Variants in BST1 observed in about 807,000 individuals in gnomAD.
BST1 encodes the protein ADP-ribosyl cyclase/cyclic ADP-ribose hydrolase 2.
BST1 carries 49 observed loss-of-function variants against 40.6 expected under a neutral mutation model. The ratio of observed to expected loss-of-function variants is 1.21; its 90% CI spans 0.96 to 1.53. The LOEUF is 1.53. Among genes scored for constraint, BST1 ranks in the 40% most tolerant of loss-of-function variants. The pLI is 0.00. For missense variants in BST1, 423 were observed against 395.9 expected, an observed-to-expected ratio of 1.07 and a Z score of -0.58; for synonymous variants, 157 against 159.3, an observed-to-expected ratio of 0.99 and a Z score of 0.11.
At position 15,703,180 on chromosome 4, in the gene BST1, C is replaced by G. The variant is rs777647360; in HGVS notation, c.36C>G (p.Leu12=). The G allele has an allele frequency of 6.4e-7, 1 of 1,562,598 alleles. No individual in the cohort carries two copies. Among genetic ancestry groups the G allele is most frequent in the South Asian group, 1.2e-5 (1 of 85,428 alleles). Residue 12 remains leucine, a synonymous_variant, in exon 1 of 9, where the codon CTC becomes CTG. Transcript: ENST00000265016. ...AGGGGTGCGCGGCATCGCGGCTGCT[C>G]CAGCTGCTGCTGCAGCTTCTGCTTC... ...AAQGCAASRL[L]QLLLQLLLLL... is the part of the protein sequence containing the mutation.
At chr4:15,703,751 G>T (rs375779235) in intron 1 of BST1, among the ~76,000 whole-genome samples, 10 of 144,306 alleles carry the variant, frequency 6.9e-5, no homozygotes, top group East Asian at 2.1e-4. Context: ...AGAGGTGAGG[G>T]GTGTGTGTGT....
chr4:15,719,113 C>T, intron 7 of BST1, 120 bp downstream of exon 7: 2 of 836,588 alleles, frequency 2.4e-6, no homozygotes, highest in Non-Finnish European at 3.6e-6. Context: ...TTCCGGGTGG[C>T]TTCTCGGTGT....
At position 15,703,330 on chromosome 4, in the gene BST1, GCGGTGAGGCAGTCGGC is replaced by G; in HGVS notation, c.188+2_188+17del. ...ACCGCGCACTGCTGAGTCCCGAGCA[GCGGTGAGGCAGTCGGC>G]CGGGTGGAAGGGGAGCCGGAAAGAG... On this transcript the variant is annotated splice_donor_variant and splice_donor_5th_base_variant and coding_sequence_variant and intron_variant, in exon 1 of 9. Coordinates refer to ENST00000265016, the MANE Select transcript of BST1 (RefSeq NM_004334.3). LOFTEE classifies it high-confidence loss of function. 6.7e-7 allele frequency: 1 copy of G among 1,497,964 alleles called. No individual in the cohort carries two copies. Among genetic ancestry groups the G allele is most frequent in the Non-Finnish European group, 8.8e-7 (1 of 1,132,786 alleles). 92.8% of individuals were successfully genotyped at this position (1,497,964 alleles called of 1,614,324 possible). A position where few individuals can be genotyped will look rare whatever the true frequency, so the allele number is the denominator to read the frequency against.
exon 7 of BST1, chr4:15,737,880 TC>T: frequency 8.5e-7 from 1 of 1,174,852 alleles, no homozygotes; most frequent in Non-Finnish European, 1.1e-6. Context: ...AGCCGAAATC[TC>T]CAGAGGCTCT....
In BST1 at chr4:15,703,100, A is replaced by G; in HGVS notation, c.-45A>G. 1.3e-6 allele frequency: 2 copies of G among 1,529,452 alleles called. No homozygotes were observed. Among genetic ancestry groups the G allele is most frequent in the Non-Finnish European group, 1.7e-6 (2 of 1,145,946 alleles). The allele number at this position is 1,529,452 out of a possible 1,614,324, so 94.7% of individuals were successfully genotyped here. ...GGAACCGCCTTGGTAGAAGGAGAGA[A>G]GGGGAGTGGAGGAAGCACGGGACTG... On this transcript the variant is annotated 5_prime_UTR_variant, in exon 1 of 9. Transcript: ENST00000265016.
intron 5 of BST1, 94 bp downstream of exon 5, chr4:15,715,455 C>A: frequency 7.7e-7 from 1 of 1,294,760 alleles, no homozygotes; most frequent in South Asian, 1.3e-5. Context: ...TCCTAGTCCC[C>A]ATCTCATGCG....
chr4:15,746,073 C>T, the BST1 span, among the ~76,000 whole-genome samples: 1 of 152,100 alleles, frequency 6.6e-6, no homozygotes, highest in African/African-American at 2.4e-5. Context: ...TTCTTCTTCC[C>T]AAAGGAGATT....
At chr4:15,762,188 C>CAAAAAAAAAAAAA in the BST1 span, among the ~76,000 whole-genome samples, 1 of 61,236 alleles carries the variant, frequency 1.6e-5, no homozygotes, top group Admixed American at 2.4e-4. Context: ...GACTCCATCT[C>CAAAAAAAAAAAAA]AAAAAAAAAA....
At chr4:15,761,027 GT>G in the BST1 span, among the ~76,000 whole-genome samples, 1 of 151,538 alleles carries the variant, frequency 6.6e-6, no homozygotes, top group Non-Finnish European at 1.5e-5. Context: ...ATGGCATATA[GT>G]TTTTTTGTTT....
chr4:15,709,780 C>T lies in BST1; in HGVS notation c.452-2027C>T, dbSNP rs1030179313. ...GTGATGGGGTTTTTTATTTATTGAC[C>T]CAGAAAGGGGCATGTTTTTAAGCAA... On this transcript the variant is annotated intron_variant, in intron 3 of 8. Transcript: ENST00000265016. 9.7e-4 allele frequency among the ~76,000 whole-genome samples: 148 copies of T among 151,830 alleles called. 1 individual carries two copies. The highest frequency in any genetic ancestry group is 1.6e-4 in the Non-Finnish European group (11 of 67,956).
intron 3 of BST1, 112 bp from the exon 4 acceptor site, chr4:15,711,695 G>T: frequency 1.2e-6 from 1 of 868,120 alleles, no homozygotes; most frequent in Non-Finnish European, 1.9e-6. Context: ...TGTACACATT[G>T]TACAGAATGG....
At chr4:15,755,224 C>T in the BST1 span, among the ~76,000 whole-genome samples, 1,683 of 152,158 alleles carry the variant, frequency 0.011, 34 homozygotes, top group African/African-American at 0.038. Context: ...CTGCAACCTC[C>T]GCCTCCCAGG....
the BST1 span, among the ~76,000 whole-genome samples, chr4:15,749,522 A>C: frequency 3.3e-5 from 5 of 152,130 alleles, no homozygotes; most frequent in Admixed American, 6.6e-5. Context: ...CTATTCTATC[A>C]CCGTCCTGGT....
intron 8 of BST1, among the ~76,000 whole-genome samples, chr4:15,729,688 T>C (rs953129054): frequency 6.6e-6 from 1 of 152,176 alleles, no homozygotes; most frequent in Non-Finnish European, 1.5e-5. Context: ...CTGCAAATAG[T>C]GCAGTTACCC....
In BST1 at chr4:15,737,864, C is replaced by T. The variant is rs545538700; in HGVS notation, c.*90C>T. 71 of 1,251,470 alleles carry T rather than the reference C, an allele frequency of 5.7e-5. No individual in the cohort carries two copies. The East Asian group carries it at 1.2e-3, about 22-fold the overall frequency. The allele number at this position is 1,251,470 out of a possible 1,614,324, so 77.5% of individuals were successfully genotyped here. On this transcript the variant is annotated 3_prime_UTR_variant, in exon 7 of 7. Coordinates refer to the BST1 transcript ENST00000514445. ...ATGTAAATGCCTTCCACTCCCACAG[C>T]AAGGAAGCCGAAATCTCCAGAGGCT...
At chr4:15,727,806 A>G (rs552381711) in intron 8 of BST1, among the ~76,000 whole-genome samples, 2 of 152,172 alleles carry the variant, frequency 1.3e-5, no homozygotes, top group Admixed American at 1.3e-4. Flanking sequence ...TATATGCTCA[A>G]ATATGTTCTC....
chr4:15,713,828 C>T (rs943389417), intron 4 of BST1, among the ~76,000 whole-genome samples: 4 of 151,980 alleles, frequency 2.6e-5, no homozygotes, highest in African/African-American at 9.7e-5. Flanking sequence ...CTCAGCCTCC[C>T]GAGTAGCTGG....
chr4:15,706,575 A>G (rs1250187658), intron 2 of BST1, among the ~76,000 whole-genome samples: 1 of 152,244 alleles, frequency 6.6e-6, no homozygotes, highest in East Asian at 1.9e-4. Flanking sequence ...CTCAAGTTTA[A>G]GGAATGCTAG....
At chr4:15,750,318 C>G in the BST1 span, among the ~76,000 whole-genome samples, 1 of 152,172 alleles carries the variant, frequency 6.6e-6, no homozygotes, top group African/African-American at 2.4e-5. Context: ...AGCCACTGTG[C>G]CTGGCATGGT....
Sources: allele counts gnomAD v4.1 joint callset (sites outside exome capture counted in the v4.1 genomes callset), GRCh38; gene constraint gnomAD v4.1.1; transcripts MANE v1.5; gene names NCBI Gene and HGNC (gene_info 2026-07-23, HGNC 2026-07-21).